The following SGPL1 variants were observed in gnomAD, a reference collection of about 807,000 sequenced individuals.
The protein encoded by SGPL1 is SP-lyase 1.
A neutral mutation model predicts 68.9 loss-of-function variants in SGPL1; 37 were observed. The ratio of observed to expected loss-of-function variants is 0.54; its 90% CI spans 0.41 to 0.71. SGPL1 has a LOEUF of 0.71. Ranked by LOEUF, SGPL1 falls within the 30% of genes least tolerant of loss-of-function variation. The pLI is 0.00. For synonymous variants in SGPL1, 236 were observed against 248.5 expected (o/e 0.95, Z 0.47); for missense variants, 551 against 704.6 (o/e 0.78, Z 2.47).
At chr10:70,854,261 A>G (rs1411491048) in intron 4 of SGPL1, among the ~76,000 whole-genome samples, 1 of 148,268 alleles carries the variant, frequency 6.7e-6, no homozygotes, top group African/African-American at 2.5e-5. Context: ...TGCAACCTCC[A>G]CCTCCTGGGT....
chr10:70,832,433 A>G (rs1589451079), intron 2 of SGPL1, among the ~76,000 whole-genome samples: 1 of 152,146 alleles, frequency 6.6e-6, no homozygotes, highest in Non-Finnish European at 1.5e-5. Context: ...GGTTATGAAA[A>G]GTCTAAGTGT....
At chr10:70,875,582 C>G (rs756947051) in intron 13 of SGPL1, 34 bp downstream of exon 13, 2 of 1,578,310 alleles carry the variant, frequency 1.3e-6, no homozygotes, top group Admixed American at 1.7e-5. Context: ...CCTTATTTTG[C>G]TCCATGATTT....
At chr10:70,837,777 A>C (rs1178544065) in intron 2 of SGPL1, among the ~76,000 whole-genome samples, 1 of 152,216 alleles carries the variant, frequency 6.6e-6, no homozygotes, top group Non-Finnish European at 1.5e-5. Flanking sequence ...TGATAGCAGA[A>C]TACCACAGAT....
intron 5 of SGPL1, among the ~76,000 whole-genome samples, chr10:70,855,468 TA>T (rs1319574951): frequency 6.6e-6 from 1 of 152,228 alleles, no homozygotes; most frequent in African/African-American, 2.4e-5. Context: ...GTTTGCCACT[TA>T]AAGTATGCCT....
chr10:70,837,130 TAC>T (rs1471635177), intron 2 of SGPL1, among the ~76,000 whole-genome samples: 1 of 151,506 alleles, frequency 6.6e-6, no homozygotes, highest in African/African-American at 2.4e-5. Flanking sequence ...CAGGCTGGAG[TAC>T]AGTGGTACGA....
chr10:70,835,850 A>C (rs1338190743), intron 2 of SGPL1, among the ~76,000 whole-genome samples: 1 of 152,110 alleles, frequency 6.6e-6, no homozygotes, highest in Non-Finnish European at 1.5e-5. Flanking sequence ...AGCTATAGAG[A>C]TCAGTAAAAT....
intron 7 of SGPL1, chr10:70,866,653 G>C (rs1846193573): frequency 6.6e-6 from 1 of 152,164 alleles, no homozygotes; most frequent in Non-Finnish European, 1.5e-5. Context: ...ACATTCTGAG[G>C]TTTTATGCTA....
At position 70,855,452 on chromosome 10, in the gene SGPL1, ACCTTGG is replaced by A. The variant is rs937350032; in HGVS notation, c.409+598_409+603del. On this transcript the variant is annotated intron_variant, in intron 5 of 14. Coordinates refer to ENST00000373202, the MANE Select transcript of SGPL1 (RefSeq NM_003901.4). ...AACCCTGGAACCAGCCTGGATTCAT[ACCTTGG>A]TTTGCCACTTAAAGTATGCCTTTGG... Among the ~76,000 whole-genome samples the A allele has an allele frequency of 7.9e-5, 12 of 152,346 alleles. No individual in the cohort carries two copies. The East Asian group carries it at 1.9e-3, about 24-fold the overall frequency.
chr10:70,854,971 G>T, intron 5 of SGPL1, 116 bp downstream of exon 5: 1 of 831,712 alleles, frequency 1.2e-6, no homozygotes, highest in Non-Finnish European at 1.7e-6. Flanking sequence ...TGTTTAGGAG[G>T]GCCTACTCTC....
At chr10:70,821,920 C>T (rs1167666555) in intron 2 of SGPL1, among the ~76,000 whole-genome samples, 1 of 152,166 alleles carries the variant, frequency 6.6e-6, no homozygotes, top group Non-Finnish European at 1.5e-5. Flanking sequence ...ATGCAGAATT[C>T]TTAAGAAATG....
intron 2 of SGPL1, among the ~76,000 whole-genome samples, chr10:70,831,418 C>T (rs1845534071): frequency 6.6e-6 from 1 of 152,216 alleles, no homozygotes; most frequent in South Asian, 2.1e-4. Flanking sequence ...CAACCTGTCA[C>T]AAGTCTGGTC....
At chr10:70,847,524 A>C (rs1260791603) in intron 3 of SGPL1, among the ~76,000 whole-genome samples, 2 of 152,232 alleles carry the variant, frequency 1.3e-5, no homozygotes, top group Non-Finnish European at 2.9e-5. Context: ...ATATGGGTAT[A>C]TAATAAGAAC....
At chr10:70,868,861 T>C (rs1846241734) in intron 8 of SGPL1, among the ~76,000 whole-genome samples, 2 of 152,202 alleles carry the variant, frequency 1.3e-5, no homozygotes, top group South Asian at 2.1e-4. Context: ...GGGAAAACTT[T>C]AGTGTGAGGG....
At position 70,852,721 on chromosome 10, in the gene SGPL1, T is replaced by C. The variant is rs1459793546; in HGVS notation, c.261+1511T>C. On this transcript the variant is annotated intron_variant, in intron 4 of 14. Transcript: ENST00000373202. ...ACATGTGTGTATGTGTGTGTGTGTGTGTGTGTGCGCGCGCACGCGTGTGTG... is the reference window on the plus strand; with the variant it reads ...ACATGTGTGTATGTGTGTGTGTGTGCGTGTGTGCGCGCGCACGCGTGTGTG... Among the ~76,000 whole-genome samples the C allele has an allele frequency of 2.0e-5, 3 of 151,280 alleles. No homozygotes were observed. The Admixed American group carries it at 2.0e-4, about 10-fold the overall frequency.
intron 2 of SGPL1, among the ~76,000 whole-genome samples, chr10:70,838,776 A>T (rs1032108154): frequency 1.3e-5 from 2 of 152,362 alleles, no homozygotes; most frequent in Middle Eastern, 3.4e-3. Context: ...ATGTGAGTAC[A>T]TTACAAGTAA....
At chr10:70,836,270 A>G (rs1845626371) in intron 2 of SGPL1, among the ~76,000 whole-genome samples, 1 of 152,182 alleles carries the variant, frequency 6.6e-6, no homozygotes, top group South Asian at 2.1e-4. Context: ...GGCTTTACCT[A>G]CAGCTCTTTG....
In SGPL1 at chr10:70,826,408, G is replaced by T. The variant is rs562443297; in HGVS notation, c.27+9528G>T. ...GTAGTGCATCCCCTCCTGGGCCAGG[G>T]TAGCTGCCTGGGGTTCTACCTGTCA... On this transcript the variant is annotated intron_variant, in intron 2 of 14. Coordinates refer to ENST00000373202, the MANE Select transcript of SGPL1 (RefSeq NM_003901.4). Among the ~76,000 whole-genome samples, 76 of 152,278 alleles carry T rather than the reference G, an allele frequency of 5.0e-4. No homozygotes were observed. The South Asian group carries it at 0.016, about 31-fold the overall frequency.
chr10:70,868,312 C>T, intron 7 of SGPL1, 33 bp from the exon 8 acceptor site: 4 of 1,491,050 alleles, frequency 2.7e-6, no homozygotes, highest in African/African-American at 1.4e-5. Context: ...ATTCCTGACT[C>T]CCCCAACAGA....
intron 2 of SGPL1, among the ~76,000 whole-genome samples, chr10:70,838,533 A>G (rs548551080): frequency 6.6e-6 from 1 of 152,350 alleles, no homozygotes; most frequent in Non-Finnish European, 1.5e-5. Context: ...TCCTGACCTC[A>G]CAAAAATGTT....
Sources: allele counts gnomAD v4.1 joint callset (sites outside exome capture counted in the v4.1 genomes callset), GRCh38; gene constraint gnomAD v4.1.1; transcripts MANE v1.5; gene names NCBI Gene and HGNC (gene_info 2026-07-23, HGNC 2026-07-21).